The following DNAJC28 variants were observed in gnomAD, a reference collection of about 807,000 sequenced individuals.
The protein encoded by DNAJC28 is dnaJ homolog subfamily C member 28.
A neutral mutation model predicts 33.3 loss-of-function variants in DNAJC28; 24 were observed. That is an observed-to-expected ratio of 0.72 (90% CI 0.52 to 1.01). DNAJC28 has a LOEUF of 1.01. Ranked by LOEUF, DNAJC28 falls within the 50% of genes least tolerant of loss-of-function variation. The pLI, the probability that DNAJC28 is intolerant of heterozygous loss-of-function variation, is 0.00. For missense variants in DNAJC28, 442 were observed against 455.2 expected, an observed-to-expected ratio of 0.97 and a Z score of 0.26; for synonymous variants, 120 against 147.2, an observed-to-expected ratio of 0.82 and a Z score of 1.34.
chr21:33,491,518 CGCCTCCAGCTGGT>C (rs1194487886), intron 1 of DNAJC28, 71 bp downstream of exon 1: 2 of 152,614 alleles, frequency 1.3e-5, no homozygotes, highest in Non-Finnish European at 2.9e-5. Context: ...TCCCTCCCAC[CGCCTCCAGCTGGT>C]GCCTCCGCCG....
At chr21:33,489,447 G>C (rs1379840951) in intron 1 of DNAJC28, 23 bp from the exon 2 acceptor site, 1 of 1,269,136 alleles carries the variant, frequency 7.9e-7, no homozygotes, top group African/African-American at 1.5e-5. Context: ...AACAAATATA[G>C]GTTGAACAAA....
At chr21:33,489,567 CTTTT>C (rs769632462) in intron 1 of DNAJC28, 143 bp from the exon 2 acceptor site, 530 of 357,444 alleles carry the variant, frequency 1.5e-3, no homozygotes, top group South Asian at 2.5e-3. Context: ...CAACTTTTTC[CTTTT>C]TTTTTTTTTT....
chr21:33,489,468 C>T, intron 1 of DNAJC28, 44 bp from the exon 2 acceptor site: 1 of 1,042,552 alleles, frequency 9.6e-7, no homozygotes, highest in Admixed American at 2.8e-5. Context: ...GTTGTATTAT[C>T]AGTTAATTTC....
intron 1 of DNAJC28, among the ~76,000 whole-genome samples, chr21:33,489,944 C>T (rs1385808839): frequency 6.6e-6 from 1 of 151,630 alleles, no homozygotes; most frequent in East Asian, 1.9e-4. Context: ...CAGGCGTGCA[C>T]CACCACACCT....
chr21:33,489,567 CTTTTTT>C, intron 1 of DNAJC28, 143 bp from the exon 2 acceptor site: 2 of 359,058 alleles, frequency 5.6e-6, no homozygotes, highest in African/African-American at 2.4e-5. Context: ...CAACTTTTTC[CTTTTTT>C]TTTTTTTTTT....
chr21:33,488,662 G>A lies in DNAJC28; in HGVS notation c.732C>T (p.Asn244=). ...GGTATCCATTATCGATCAGTATTCG[G>A]TTCAGGTTGTGAGTCATGGGATCAA... ...SYIDPMTHNL[N]RILIDNGYQP... The change falls in exon 2 of 2, where the codon AAC becomes AAT. Residue 244 remains asparagine (N), a synonymous_variant. Coordinates refer to ENST00000381947, the MANE Select transcript of DNAJC28 (RefSeq NM_001040192.3). 2 of 1,613,020 alleles carry A rather than the reference G, an allele frequency of 1.2e-6. No individual in the cohort carries two copies. Among genetic ancestry groups the A allele is most frequent in the South Asian group, 2.2e-5 (2 of 90,688 alleles).
chr21:33,489,939 G>A (rs750605011), intron 1 of DNAJC28, among the ~76,000 whole-genome samples: 2 of 151,360 alleles, frequency 1.3e-5, no homozygotes, highest in Admixed American at 6.6e-5. Context: ...GACTACAGGC[G>A]TGCACCACCA....
At chr21:33,490,135 G>A in intron 1 of DNAJC28, among the ~76,000 whole-genome samples, 1 of 93,974 alleles carries the variant, frequency 1.1e-5, no homozygotes, top group Non-Finnish European at 2.2e-5. Flanking sequence ...TTTTTTTTTT[G>A]AGACAGAGTC....
chr21:33,489,152 T>G lies in DNAJC28; in HGVS notation c.242A>C (p.Asp81Ala). The G allele has an allele frequency of 6.2e-7, 1 of 1,612,950 alleles. No individual in the cohort carries two copies. The highest frequency in any genetic ancestry group is 8.5e-7 in the Non-Finnish European group (1 of 1,179,826). Residue 81 changes from aspartate to alanine, a missense_variant, in exon 2 of 2, where the codon GAC (aspartate) becomes GCC (alanine). Asp to Ala is a moderately radical substitution (Grantham distance 126, BLOSUM62 -2). Coordinates refer to ENST00000381947, the MANE Select transcript of DNAJC28 (RefSeq NM_001040192.3). ...FHKLAKQYHP[D>A]SGSNTADSAT... ...AGAATCAGCAGTATTAGAGCCACTGTCAGGATGATATTGCTTGGCAAGCTT... is the reference window on the plus strand; with the variant it reads ...AGAATCAGCAGTATTAGAGCCACTGGCAGGATGATATTGCTTGGCAAGCTT...
rs555669768 is a variant in DNAJC28, at chr21:33,490,228, C to A, written c.-31-804G>T. 1.1e-4 allele frequency among the ~76,000 whole-genome samples: 16 copies of A among 151,344 alleles called. No individual in the cohort carries two copies. The South Asian group carries it at 1.9e-3, about 18-fold the overall frequency. Reference sequence around the variant, plus strand: ...GGTTCAAGCGATTCTCCTGCCTCAGCCTCCCAAGTAGCTGGGATTACAGGT... The same window carrying A: ...GGTTCAAGCGATTCTCCTGCCTCAGACTCCCAAGTAGCTGGGATTACAGGT... On this transcript the variant is annotated intron_variant, in intron 1 of 1. Coordinates refer to ENST00000381947, the MANE Select transcript of DNAJC28 (RefSeq NM_001040192.3).
At position 33,489,424 on chromosome 21, in the gene DNAJC28, C is replaced by T. The variant is rs749852791; in HGVS notation, c.-31G>A. ...TACCCAGAGTTCTTCCTAGCAATGA[C>T]CTATAAAACGACAACAAATATAGGT... On this transcript the variant is annotated splice_region_variant and 5_prime_UTR_variant, in exon 2 of 2. Coordinates refer to ENST00000381947, the MANE Select transcript of DNAJC28 (RefSeq NM_001040192.3). 3 of 1,426,578 alleles carry T rather than the reference C, an allele frequency of 2.1e-6. No homozygotes were observed. The highest frequency in any genetic ancestry group is 2.8e-6 in the Non-Finnish European group (3 of 1,079,066). 88.4% of individuals were successfully genotyped at this position (1,426,578 alleles called of 1,614,324 possible).
rs2084477597 is a variant in DNAJC28 at position 33,488,172 on chromosome 21, C to A, written c.*55G>T. 1 of 1,340,956 alleles carries A rather than the reference C, an allele frequency of 7.5e-7. No individual in the cohort carries two copies. Among genetic ancestry groups the A allele is most frequent in the Non-Finnish European group, 1.0e-6 (1 of 1,001,414 alleles). The allele number at this position is 1,340,956 out of a possible 1,614,324, so 83.1% of individuals were successfully genotyped here. A position where few individuals can be genotyped will look rare whatever the true frequency, so the allele number is the denominator to read the frequency against. On this transcript the variant is annotated 3_prime_UTR_variant, in exon 2 of 2. Transcript: ENST00000381947. ...AAATTCTTGTATTATAGCAATAAAT[C>A]TCATTTTCCATGTAAAGTGTCAGTG...
At chr21:33,491,255 A>C (rs1049448969) in intron 1 of DNAJC28, 8 of 152,288 alleles carry the variant, frequency 5.3e-5, no homozygotes, top group African/African-American at 1.9e-4. Context: ...CAATGGCCAA[A>C]AAATACTGGA....
At position 33,488,364 on chromosome 21, in the gene DNAJC28, G is replaced by A. The variant is rs1384283944; in HGVS notation, c.1030C>T (p.Leu344Phe). 3 of 1,589,244 alleles carry A rather than the reference G, an allele frequency of 1.9e-6. No individual in the cohort carries two copies. The African/African-American group carries it at 4.1e-5, about 22-fold the overall frequency. The change falls in exon 2 of 2, where the codon CTT becomes TTT. Residue 344 changes from leucine to phenylalanine, a missense_variant. Transcript: ENST00000381947. ...IVRAQKIYET[L>F]IKTKEVTDRN... ...TCTGTGACTTCTTTTGTTTTTATAA[G>A]GGTCTCGTATATTTTCTGGGCTCTG...
intron 1 of DNAJC28, among the ~76,000 whole-genome samples, chr21:33,489,739 C>T (rs1461809921): frequency 6.6e-6 from 1 of 151,330 alleles, no homozygotes. Flanking sequence ...ATCTGCCCGC[C>T]TCGGCCTCCC....
chr21:33,488,318 TC>T lies in DNAJC28; in HGVS notation c.1075del (p.Asp359IlefsTer16). The T allele has an allele frequency of 1.3e-6, 2 of 1,575,012 alleles. No individual in the cohort carries two copies. Among genetic ancestry groups the T allele is most frequent in the Non-Finnish European group, 8.6e-7 (1 of 1,169,012 alleles). ...EVTDRNPNNL[D>X]QGEGEKTPEI... ...AGGTGTTTTCTCTCCTTCTCCTTGA[TC>T]AAGGTTATTTGGGTTTCTATCTGTG... On this transcript the variant is annotated frameshift_variant, in exon 2 of 2. Coordinates refer to ENST00000381947, the MANE Select transcript of DNAJC28 (RefSeq NM_001040192.3). LOFTEE classifies it high-confidence loss of function.
Position 33,489,036 on chromosome 21 carries a change from C to T in DNAJC28, c.358G>A (p.Glu120Lys), listed in dbSNP as rs2084494285. ...TNASQSKGEE[E>K]EDVEKFKYKT... is the part of the protein sequence containing the mutation. ...TATTTGAATTTTTCTACATCTTCTT[C>T]TTCTTCACCTTTACTCTGACTGGCA... is the stretch of plus-strand genomic sequence containing the variant. Residue 120 changes from glutamate to lysine, a missense_variant, in exon 2 of 2, where the codon GAA (glutamate) becomes AAA (lysine). By Grantham distance (56) the Glu-to-Lys change is moderately conservative. Transcript: ENST00000381947. 2 of 1,612,228 alleles carry T rather than the reference C, an allele frequency of 1.2e-6. No individual in the cohort carries two copies. Among genetic ancestry groups the T allele is most frequent in the East Asian group, 4.5e-5 (2 of 44,890 alleles).
Position 33,489,280 on chromosome 21 carries a change from T to G in DNAJC28, c.114A>C (p.Arg38Ser). 1 of 1,602,308 alleles carries G rather than the reference T, an allele frequency of 6.2e-7. No individual in the cohort carries two copies. The highest frequency in any genetic ancestry group is 8.5e-7 in the Non-Finnish European group (1 of 1,176,584). The change falls in exon 2 of 2, where the codon AGA becomes AGC. Residue 38 changes from arginine to serine, a missense_variant. Arg to Ser is a moderately radical substitution (Grantham distance 110). Coordinates refer to ENST00000381947, the MANE Select transcript of DNAJC28 (RefSeq NM_001040192.3). Reference sequence around the variant, plus strand: ...TTTTGGATTTATGGGTTGACATCATTCTATTTCTAATGATACCAAAATATG... The same window carrying G: ...TTTTGGATTTATGGGTTGACATCATGCTATTTCTAATGATACCAAAATATG... ...MLPYFGIIRN[R>S]MMSTHKSKKK...
In DNAJC28 at chr21:33,489,368, G is replaced by A; in HGVS notation, c.26C>T (p.Ala9Val). Residue 9 changes from alanine (A) to valine (V), a missense_variant, in exon 2 of 2, where the codon GCT becomes GTT. Physicochemically the swap from Ala to Val is moderately conservative, Grantham distance 64. Transcript: ENST00000381947. ...TATCAGGTGAGATCTTAAGATCTGA[G>A]CCATCATCACATACATTGTATTCAT... The part of the protein sequence containing the change: MNTMYVMM[A>V]QILRSHLIKA... The A allele has an allele frequency of 1.0e-5, 16 of 1,534,602 alleles. No individual in the cohort carries two copies. Among genetic ancestry groups the A allele is most frequent in the Non-Finnish European group, 1.3e-5 (15 of 1,146,888 alleles).
Sources: gnomAD v4.1 joint callset for allele counts (sites outside exome capture counted in the v4.1 genomes callset) on GRCh38, gnomAD v4.1.1 for gene constraint, MANE v1.5 for transcripts, NCBI Gene and HGNC (gene_info 2026-07-23, HGNC 2026-07-21) for gene names.